Variants in ESCO1 observed in about 807,000 individuals in gnomAD.
ESCO1 encodes N-acetyltransferase ESCO1.
A neutral mutation model predicts 83.5 loss-of-function variants in ESCO1; 33 were observed. The ratio of observed to expected loss-of-function variants is 0.40; its 90% CI spans 0.30 to 0.53. ESCO1 has a LOEUF of 0.53. Ranked by LOEUF, ESCO1 falls within the 20% of genes least tolerant of loss-of-function variation. The pLI, the probability that ESCO1 is intolerant of heterozygous loss-of-function variation, is 0.63. For missense variants in ESCO1, 855 were observed against 968.0 expected (o/e 0.88, Z 1.55); for synonymous variants, 332 against 324.3 (o/e 1.02, Z -0.25).
chr18:21,575,012 G>A lies in ESCO1; in HGVS notation c.-169C>T, dbSNP rs770574511. 37 of 517,746 alleles carry A rather than the reference G, an allele frequency of 7.1e-5. No individual in the cohort carries two copies. Among genetic ancestry groups the A allele is most frequent in the Non-Finnish European group, 1.2e-4 (35 of 302,280 alleles). The allele number at this position is 517,746 out of a possible 1,614,324, so 32.1% of individuals were successfully genotyped here. A position where few individuals can be genotyped will look rare whatever the true frequency, so the allele number is the denominator to read the frequency against. On this transcript the variant is annotated 5_prime_UTR_variant, in exon 4 of 12. Transcript: ENST00000269214. The stretch of plus-strand genomic sequence containing the variant: ...AAAAATACTAGTTTGCTTCAAGTAA[G>A]GTTTCTGTCATTCCTAGAACATGAG...
At chr18:21,586,613 A>C (rs1332736833) in intron 1 of ESCO1, among the ~76,000 whole-genome samples, 24 of 152,220 alleles carry the variant, frequency 1.6e-4, no homozygotes, top group Admixed American at 1.6e-3. Flanking sequence ...AACGTTGTTA[A>C]ATTTAATGAG....
chr18:21,600,232 C>A lies in ESCO1; in HGVS notation c.-825+391G>T, dbSNP rs369678493. On this transcript the variant is annotated intron_variant, in intron 1 of 11. Transcript: ENST00000269214. ...CGGGGCCCGGAGCTACCTGCGGGAC[C>A]AGCACTGGCGCTGCCCCGGTGCTAG... 2.0e-4 allele frequency among the ~76,000 whole-genome samples: 31 copies of A among 152,356 alleles called. No individual in the cohort carries two copies. The Middle Eastern group carries it at 0.01, about 50-fold the overall frequency.
chr18:21,539,606 C>T (rs1478979793), intron 9 of ESCO1, among the ~76,000 whole-genome samples: 2 of 152,182 alleles, frequency 1.3e-5, no homozygotes, highest in Non-Finnish European at 2.9e-5. Context: ...AATCCCAGCA[C>T]TCTGGGAGGC....
intron 6 of ESCO1, among the ~76,000 whole-genome samples, chr18:21,565,803 T>C (rs1184710837): frequency 6.6e-6 from 1 of 152,042 alleles, no homozygotes; most frequent in African/African-American, 2.4e-5. Flanking sequence ...TATCCAGGTA[T>C]GGTGCCACAC....
chr18:21,573,359 T>C lies in ESCO1; in HGVS notation c.1485A>G (p.Pro495=), dbSNP rs759730060. The change falls in exon 4 of 12, where the codon CCA becomes CCG. Residue 495 remains proline (P), a synonymous_variant. Coordinates refer to ENST00000269214, the MANE Select transcript of ESCO1 (RefSeq NM_052911.3). ...AAGAATGTTTCATCTGATTATCCAA[T>C]GGTGGGTCAGAAGGTTTTATCTCAT... ...LANEIKPSDP[P]LDNQMKHSFD... 27 of 1,591,888 alleles carry C rather than the reference T, an allele frequency of 1.7e-5. No homozygotes were observed. Among genetic ancestry groups the C allele is most frequent in the Non-Finnish European group, 2.0e-5 (24 of 1,174,916 alleles).
chr18:21,575,347 G>A lies in ESCO1; in HGVS notation c.-504C>T. ...ACACGTTTCTTTCCTTGTTTGCTGA[G>A]TCTGTTGGTTTGCAGTTCTTATCTA... On this transcript the variant is annotated 5_prime_UTR_variant, in exon 4 of 12. Coordinates refer to ENST00000269214, the MANE Select transcript of ESCO1 (RefSeq NM_052911.3). 2 of 397,716 alleles carry A rather than the reference G, an allele frequency of 5.0e-6. No homozygotes were observed. The highest frequency in any genetic ancestry group is 8.9e-6 in the Non-Finnish European group (2 of 225,556). The allele number at this position is 397,716 out of a possible 1,614,324, so 24.6% of individuals were successfully genotyped here.
intron 8 of ESCO1, among the ~76,000 whole-genome samples, chr18:21,558,682 G>C (rs955735069): frequency 7.2e-6 from 1 of 139,038 alleles, no homozygotes; most frequent in Non-Finnish European, 1.5e-5. Flanking sequence ...AGCCAAGATT[G>C]CACCACTGCA....
chr18:21,534,632 C>CT (rs869215387), intron 10 of ESCO1, among the ~76,000 whole-genome samples: 1,645 of 140,880 alleles, frequency 0.012, 9 homozygotes, highest in Non-Finnish European at 0.017. Flanking sequence ...AGGTGTGGGC[C>CT]TTTTTTTTTT....
intron 1 of ESCO1, among the ~76,000 whole-genome samples, chr18:21,595,542 G>A (rs1363015462): frequency 6.6e-6 from 1 of 150,808 alleles, no homozygotes; most frequent in Non-Finnish European, 1.5e-5. Context: ...GGTGGCAGGT[G>A]CCTGTAGTTC....
chr18:21,574,747 T>C lies in ESCO1; in HGVS notation c.97A>G (p.Lys33Glu). 1 of 1,609,744 alleles carries C rather than the reference T, an allele frequency of 6.2e-7. No individual in the cohort carries two copies. The highest frequency in any genetic ancestry group is 8.5e-7 in the Non-Finnish European group (1 of 1,179,846). The change falls in exon 4 of 12, where the codon AAG becomes GAG. Residue 33 changes from lysine (K) to glutamate (E), a missense_variant. Physicochemically the swap from Lys to Glu is moderately conservative, Grantham distance 56 (BLOSUM62 1). Coordinates refer to ENST00000269214, the MANE Select transcript of ESCO1 (RefSeq NM_052911.3). Reference protein sequence around the residue: ...NSETEIQDSQKNLAKKSGPKE... With the variant: ...NSETEIQDSQENLAKKSGPKE... The stretch of plus-strand genomic sequence containing the variant: ...GGACCTGATTTTTTTGCTAGATTCT[T>C]TTGAGAATCCTGAATTTCTGTTTCT...
intron 8 of ESCO1, among the ~76,000 whole-genome samples, chr18:21,548,439 G>A (rs370112865): frequency 6.6e-6 from 1 of 152,076 alleles, no homozygotes; most frequent in Admixed American, 6.6e-5. Flanking sequence ...AGGCTGCAAT[G>A]AGCCATGATT....
intron 8 of ESCO1, among the ~76,000 whole-genome samples, chr18:21,553,398 G>C (rs2038068920): frequency 2.5e-5 from 1 of 39,224 alleles, no homozygotes; most frequent in African/African-American, 9.0e-5. Flanking sequence ...CTTGCACCCA[G>C]AGTTCGAAAT....
intron 8 of ESCO1, among the ~76,000 whole-genome samples, chr18:21,541,234 C>T (rs2037901798): frequency 6.6e-6 from 1 of 152,068 alleles, no homozygotes; most frequent in African/African-American, 2.4e-5. Flanking sequence ...GGAGCAGAAA[C>T]AATAGCCACA....
In ESCO1 at chr18:21,575,706, G is replaced by A; in HGVS notation, c.-622C>T. The A allele has an allele frequency of 2.5e-6, 1 of 398,324 alleles. No individual in the cohort carries two copies. The allele number at this position is 398,324 out of a possible 1,614,324, so 24.7% of individuals were successfully genotyped here. ...CCCAAAATATAGACTCGATGTCTCA[G>A]CCACCATAACTCATGAAGAAAATTA... On this transcript the variant is annotated 5_prime_UTR_variant, in exon 3 of 12. Transcript: ENST00000269214.
chr18:21,561,579 A>G (rs1292280700), intron 7 of ESCO1, among the ~76,000 whole-genome samples: 1 of 152,084 alleles, frequency 6.6e-6, no homozygotes, highest in Non-Finnish European at 1.5e-5. Flanking sequence ...AGAGCGTGCC[A>G]TTGCACTGGA....
intron 2 of ESCO1, among the ~76,000 whole-genome samples, chr18:21,576,797 G>T (rs566759155): frequency 9.5e-4 from 144 of 152,262 alleles, no homozygotes; most frequent in African/African-American, 3.4e-3. Context: ...CACTTTGGGA[G>T]GCCAAAGCAG....
Position 21,568,007 on chromosome 18 carries a change from T to C in ESCO1, c.1618A>G (p.Ile540Val), listed in dbSNP as rs770407414. 23 of 1,613,242 alleles carry C rather than the reference T, an allele frequency of 1.4e-5. No individual in the cohort carries two copies. The South Asian group carries it at 1.8e-4, about 12-fold the overall frequency. The change falls in exon 5 of 12, where the codon ATT becomes GTT. Residue 540 changes from isoleucine to valine, a missense_variant. Physicochemically the swap from Ile to Val is conservative, Grantham distance 29 (BLOSUM62 3). Around this residue, in one of 2 missense-constraint regions of ESCO1, gnomAD observed 726 missense variants for 699.5 expected, o/e 1.04. Coordinates refer to ENST00000269214, the MANE Select transcript of ESCO1 (RefSeq NM_052911.3). ...AASTLLSQAK[I>V]DTGENKFPGS... ...GGAAATTTATTCTCTCCTGTATCAA[T>C]TTTTGCTTGACTGAGCAGAGTCGAA...
intron 4 of ESCO1, among the ~76,000 whole-genome samples, chr18:21,570,624 G>A (rs1207926458): frequency 1.3e-5 from 2 of 152,128 alleles, no homozygotes; most frequent in African/African-American, 2.4e-5. Flanking sequence ...AAACTGAAAA[G>A]ATCCACATCC....
chr18:21,597,892 G>T (rs1254728101), intron 1 of ESCO1, among the ~76,000 whole-genome samples: 1 of 152,128 alleles, frequency 6.6e-6, no homozygotes, highest in Non-Finnish European at 1.5e-5. Flanking sequence ...GACAAGACAT[G>T]ATGGCTGGGT....
Sources: allele counts gnomAD v4.1 joint callset (sites outside exome capture counted in the v4.1 genomes callset), GRCh38; gene constraint gnomAD v4.1.1; regional missense constraint gnomAD v4.1.1; transcripts MANE v1.5; gene names NCBI Gene and HGNC (gene_info 2026-07-23, HGNC 2026-07-21).